Variants in DRG1 observed in about 807,000 individuals in gnomAD.
DRG1 encodes developmentally-regulated GTP-binding protein 1.
A neutral mutation model predicts 38.8 loss-of-function variants in DRG1; 19 were observed. The ratio of observed to expected loss-of-function variants is 0.49; its 90% CI spans 0.34 to 0.72. The LOEUF is 0.72. Ranked by LOEUF, DRG1 falls within the 30% of genes least tolerant of loss-of-function variation. DRG1 has a pLI of 0.01. For missense variants in DRG1, 299 were observed against 444.8 expected (o/e 0.67, Z 2.95); for synonymous variants, 167 against 157.5 (o/e 1.06, Z -0.45).
intron 8 of DRG1, among the ~76,000 whole-genome samples, chr22:31,430,545 AC>A (rs2050133172): frequency 6.6e-6 from 1 of 151,504 alleles, no homozygotes; most frequent in South Asian, 2.1e-4. Flanking sequence ...GACTACAGGC[AC>A]CCGCCACCAC....
chr22:31,415,285 C>T (rs1433803562), intron 4 of DRG1, among the ~76,000 whole-genome samples: 4 of 152,188 alleles, frequency 2.6e-5, no homozygotes, highest in Non-Finnish European at 5.9e-5. Flanking sequence ...TTATTAGCTA[C>T]ACTTGACTAG....
intron 4 of DRG1, among the ~76,000 whole-genome samples, chr22:31,411,914 A>G (rs986330272): frequency 1.3e-5 from 2 of 152,118 alleles, no homozygotes; most frequent in Non-Finnish European, 2.9e-5. Context: ...TCTAGCATCT[A>G]CTATTGCTGT....
At chr22:31,410,420 A>C (rs2050011907) in intron 3 of DRG1, among the ~76,000 whole-genome samples, 1 of 151,954 alleles carries the variant, frequency 6.6e-6, no homozygotes, top group Non-Finnish European at 1.5e-5. Flanking sequence ...GCACCACTGC[A>C]CTCCAGCTTG....
chr22:31,403,878 C>A (rs2049975954), intron 3 of DRG1, among the ~76,000 whole-genome samples: 1 of 151,342 alleles, frequency 6.6e-6, no homozygotes, highest in Non-Finnish European at 1.5e-5. Context: ...ATGTATATAA[C>A]AAGAATGAAG....
chr22:31,424,229 ACCT>A (rs1412115404), intron 6 of DRG1, among the ~76,000 whole-genome samples: 1 of 149,034 alleles, frequency 6.7e-6, no homozygotes, highest in African/African-American at 2.5e-5. Context: ...GCTCACTGTA[ACCT>A]CCTCCGCCTC....
intron 6 of DRG1, among the ~76,000 whole-genome samples, chr22:31,423,726 C>G (rs2050091478): frequency 6.6e-6 from 1 of 151,780 alleles, no homozygotes; most frequent in African/African-American, 2.4e-5. Context: ...GGGGTTTCAT[C>G]ATGTTGGCCA....
intron 4 of DRG1, among the ~76,000 whole-genome samples, chr22:31,416,527 G>A (rs1040592141): frequency 4.6e-5 from 7 of 151,328 alleles, no homozygotes; most frequent in Non-Finnish European, 8.8e-5. Flanking sequence ...GGCCAAGGTG[G>A]GTGGATCACC....
At chr22:31,410,571 T>C (rs892251552) in intron 3 of DRG1, among the ~76,000 whole-genome samples, 2 of 152,060 alleles carry the variant, frequency 1.3e-5, no homozygotes, top group African/African-American at 2.4e-5. Flanking sequence ...TCCAGCACTT[T>C]GGGAGGCTGA....
At chr22:31,404,971 A>G (rs115679645) in intron 3 of DRG1, among the ~76,000 whole-genome samples, 3,166 of 152,214 alleles carry the variant, frequency 0.021, 44 homozygotes, top group African/African-American at 0.039. Context: ...TGGTTGTAAC[A>G]TGAAATTCGG....
At chr22:31,410,947 T>C in intron 3 of DRG1, 65 bp from the exon 4 acceptor site, 2 of 1,525,650 alleles carry the variant, frequency 1.3e-6, no homozygotes, top group South Asian at 2.3e-5. Flanking sequence ...TTAATTCTGT[T>C]TGATATTTTC....
chr22:31,423,889 A>G (rs1601533109), intron 6 of DRG1, among the ~76,000 whole-genome samples: 2 of 120,386 alleles, frequency 1.7e-5, no homozygotes, highest in Admixed American at 9.0e-5. Context: ...TTTGAGATAG[A>G]GTTTCGCTCT....
chr22:31,420,142 C>T, intron 4 of DRG1, 114 bp from the exon 5 acceptor site: 1 of 1,195,422 alleles, frequency 8.4e-7, no homozygotes, highest in East Asian at 2.5e-5. Context: ...GTATGTATTA[C>T]AGAAAAATCC....
At chr22:31,431,927 CAT>C (rs1286495661) in intron 8 of DRG1, among the ~76,000 whole-genome samples, 1 of 151,962 alleles carries the variant, frequency 6.6e-6, no homozygotes, top group African/African-American at 2.4e-5. Flanking sequence ...GGTGGCAAAA[CAT>C]TGTTCAAAAC....
chr22:31,425,830 C>A (rs1449521826), intron 6 of DRG1, among the ~76,000 whole-genome samples: 1 of 152,176 alleles, frequency 6.6e-6, no homozygotes, highest in Non-Finnish European at 1.5e-5. Flanking sequence ...CTCTCCTAGT[C>A]ATTTGTTCCT....
At chr22:31,415,198 A>G (rs1342248225) in intron 4 of DRG1, among the ~76,000 whole-genome samples, 1 of 152,198 alleles carries the variant, frequency 6.6e-6, no homozygotes. Context: ...TACTAGTTAC[A>G]TGTGACTAAC....
chr22:31,411,994 C>T (rs989631280), intron 4 of DRG1, among the ~76,000 whole-genome samples: 1 of 151,768 alleles, frequency 6.6e-6, no homozygotes, highest in African/African-American at 2.4e-5. Flanking sequence ...ACTGGAAGAT[C>T]TTAAAAGCTA....
chr22:31,416,090 C>CT (rs1203288519), intron 4 of DRG1, among the ~76,000 whole-genome samples: 1 of 152,078 alleles, frequency 6.6e-6, no homozygotes, highest in African/African-American at 2.4e-5. Context: ...AGGCAGATCA[C>CT]TTGAGGCCAG....
intron 4 of DRG1, among the ~76,000 whole-genome samples, chr22:31,412,584 C>T (rs937213839): frequency 4.6e-5 from 7 of 151,882 alleles, no homozygotes; most frequent in African/African-American, 1.4e-4. Flanking sequence ...CTCCTGACCT[C>T]GTGATCCGCC....
At chr22:31,402,287 T>TAAAAAGA (rs1044941679) in intron 2 of DRG1, among the ~76,000 whole-genome samples, 4 of 151,886 alleles carry the variant, frequency 2.6e-5, no homozygotes, top group East Asian at 1.9e-4. Context: ...GCAGCCATTG[T>TAAAAAGA]AAAAAGAAAA....
Sources: gnomAD v4.1 joint callset for allele counts (sites outside exome capture counted in the v4.1 genomes callset) on GRCh38, gnomAD v4.1.1 for gene constraint, MANE v1.5 for transcripts, NCBI Gene and HGNC (gene_info 2026-07-23, HGNC 2026-07-21) for gene names.